ANKS1B: variants seen among roughly 807,000 people sequenced by gnomAD.
ANKS1B encodes ankyrin repeat and sterile alpha motif domain containing 1B.
ANKS1B carries 36 observed loss-of-function variants against 148.3 expected under a neutral mutation model. That is an observed-to-expected ratio of 0.24 (90% confidence interval 0.19 to 0.32). ANKS1B has a LOEUF of 0.32. ANKS1B is among the 10% of genes least tolerant of loss of function. The pLI, the probability that ANKS1B is intolerant of heterozygous loss-of-function variation, is 1.00. For synonymous variants in ANKS1B, 542 were observed against 560.8 expected (o/e 0.97, Z 0.47); for missense variants, 1,157 against 1,542.6 (o/e 0.75, Z 4.19).
chr12:99,487,861 A>G (rs2096513714), intron 10 of ANKS1B, among the ~76,000 whole-genome samples: 1 of 152,142 alleles, frequency 6.6e-6, no homozygotes, highest in African/African-American at 2.4e-5. Context: ...TCTATTATTC[A>G]ATAGTTCTAA....
At chr12:99,491,347 C>T (rs181742202) in intron 10 of ANKS1B, among the ~76,000 whole-genome samples, 1 of 151,882 alleles carries the variant, frequency 6.6e-6, no homozygotes, top group Non-Finnish European at 1.5e-5. Context: ...GCTGAAATTA[C>T]ACAATTGTGA....
chr12:99,429,248 GA>G (rs1254498479), intron 11 of ANKS1B, among the ~76,000 whole-genome samples: 3 of 152,160 alleles, frequency 2.0e-5, no homozygotes, highest in Non-Finnish European at 2.9e-5. Flanking sequence ...AACATCATTT[GA>G]AAAATCATTA....
At chr12:99,606,136 T>C (rs1222486003) in intron 9 of ANKS1B, among the ~76,000 whole-genome samples, 1 of 152,112 alleles carries the variant, frequency 6.6e-6, no homozygotes, top group African/African-American at 2.4e-5. Flanking sequence ...ATGTCTTCCT[T>C]TGAGAAATGT....
intron 10 of ANKS1B, among the ~76,000 whole-genome samples, chr12:99,492,537 G>A (rs577733856): frequency 2.6e-5 from 4 of 152,096 alleles, no homozygotes; most frequent in East Asian, 1.9e-4. Flanking sequence ...GACTCCTTGC[G>A]ACCTCATCCT....
At chr12:99,152,447 A>T (rs1286908017) in intron 15 of ANKS1B, among the ~76,000 whole-genome samples, 1 of 152,202 alleles carries the variant, frequency 6.6e-6, no homozygotes, top group African/African-American at 2.4e-5. Flanking sequence ...CCTTGGTTAC[A>T]TCATGTATAT....
intron 8 of ANKS1B, among the ~76,000 whole-genome samples, chr12:99,693,453 T>C (rs1216274500): frequency 1.3e-5 from 2 of 152,196 alleles, no homozygotes; most frequent in Non-Finnish European, 2.9e-5. Flanking sequence ...AGCTATTGTG[T>C]TGTGACAGCT....
intron 9 of ANKS1B, among the ~76,000 whole-genome samples, chr12:99,632,980 A>G (rs1174704328): frequency 1.6e-5 from 2 of 127,052 alleles, no homozygotes; most frequent in African/African-American, 6.0e-5. Flanking sequence ...TCATTGTTCA[A>G]CTTCCACCTA....
intron 12 of ANKS1B, among the ~76,000 whole-genome samples, chr12:99,257,071 G>A (rs1018529971): frequency 3.3e-5 from 5 of 151,872 alleles, no homozygotes; most frequent in African/African-American, 9.7e-5. Context: ...TGTGAAACCC[G>A]GTCTCTACTA....
At chr12:99,286,773 C>T (rs1294468920) in intron 12 of ANKS1B, among the ~76,000 whole-genome samples, 9 of 152,178 alleles carry the variant, frequency 5.9e-5, no homozygotes, top group Non-Finnish European at 1.2e-4. Flanking sequence ...CCAGGCAATC[C>T]TCACTGTGAG....
chr12:98,886,456 C>T (rs1047372429), intron 17 of ANKS1B, among the ~76,000 whole-genome samples: 1 of 152,092 alleles, frequency 6.6e-6, no homozygotes, highest in Non-Finnish European at 1.5e-5. Context: ...AAAATGACAA[C>T]AGATTTTCAT....
At chr12:99,750,594 GT>G (rs2061015013) in intron 8 of ANKS1B, among the ~76,000 whole-genome samples, 1 of 152,046 alleles carries the variant, frequency 6.6e-6, no homozygotes, top group African/African-American at 2.4e-5. Context: ...TAGTCTTGCA[GT>G]TTGGGACAGC....
intron 19 of ANKS1B, among the ~76,000 whole-genome samples, chr12:98,816,306 G>C (rs1028360018): frequency 6.6e-6 from 1 of 152,066 alleles, no homozygotes; most frequent in Non-Finnish European, 1.5e-5. Flanking sequence ...TTATTTATTT[G>C]TTTGTTTTTG....
rs116678159 is a variant in ANKS1B, at chr12:99,202,861, C to G, written c.2419+41481G>C. The stretch of plus-strand genomic sequence containing the variant: ...ATGCCACTTGGGGACACTAGGACAT[C>G]TGTATTTGTCTTTATTCCTGTAGTC... On this transcript the variant is annotated intron_variant, in intron 14 of 26. Transcript: ENST00000683438. Among the ~76,000 whole-genome samples the G allele has an allele frequency of 9.8e-3, 1,498 of 152,272 alleles. 30 individuals carry two copies. The highest frequency in any genetic ancestry group is 0.035 in the African/African-American group (1,440 of 41,534).
chr12:98,746,270 C>A (rs2097890237), intron 26 of ANKS1B, among the ~76,000 whole-genome samples: 1 of 152,124 alleles, frequency 6.6e-6, no homozygotes, highest in Non-Finnish European at 1.5e-5. Context: ...GAACAAAACC[C>A]GAACTCCTCA....
intron 14 of ANKS1B, among the ~76,000 whole-genome samples, chr12:99,226,513 T>G (rs1835254143): frequency 6.6e-6 from 1 of 152,198 alleles, no homozygotes; most frequent in South Asian, 2.1e-4. Context: ...GTATATTGTC[T>G]AGGGTATATA....
chr12:98,870,494 C>T (rs2099654521), intron 17 of ANKS1B, among the ~76,000 whole-genome samples: 1 of 152,184 alleles, frequency 6.6e-6, no homozygotes, highest in African/African-American at 2.4e-5. Context: ...CTTTTCTTTG[C>T]TATTTAAATA....
At chr12:99,151,681 A>G (rs1462605379) in intron 15 of ANKS1B, among the ~76,000 whole-genome samples, 5 of 152,200 alleles carry the variant, frequency 3.3e-5, no homozygotes, top group Non-Finnish European at 7.4e-5. Flanking sequence ...ATGTATGTAG[A>G]ACAGATTTAG....
intron 12 of ANKS1B, among the ~76,000 whole-genome samples, chr12:99,290,008 C>CA (rs1457967109): frequency 6.7e-6 from 1 of 149,602 alleles, no homozygotes; most frequent in Non-Finnish European, 1.5e-5. Context: ...AAAAGATAAA[C>CA]AAAAATGAAA....
At chr12:99,686,693 G>A (rs1183188897) in intron 8 of ANKS1B, among the ~76,000 whole-genome samples, 1 of 152,000 alleles carries the variant, frequency 6.6e-6, no homozygotes, top group African/African-American at 2.4e-5. Context: ...ACTCTAAAAA[G>A]CATTTTAAGT....
Sources: allele counts gnomAD v4.1 joint callset (sites outside exome capture counted in the v4.1 genomes callset), GRCh38; gene constraint gnomAD v4.1.1; transcripts MANE v1.5; gene names NCBI Gene and HGNC (gene_info 2026-07-23, HGNC 2026-07-21).